The following EPHA6 variants were observed in gnomAD, a reference collection of about 807,000 sequenced individuals.
EPHA6 encodes ephrin type-A receptor 6.
In EPHA6, 50 loss-of-function variants were observed where a neutral mutation model predicts 112.0. The ratio of observed to expected loss-of-function variants is 0.45; its 90% confidence interval spans 0.36 to 0.56. The LOEUF (loss-of-function observed/expected upper bound fraction) is 0.56. Among genes scored for constraint, EPHA6 ranks in the 20% least tolerant of loss-of-function variants. The pLI, the probability that EPHA6 is intolerant of heterozygous loss-of-function variation, is 0.00. For missense variants in EPHA6, 1,280 were observed against 1,417.4 expected (o/e 0.90, Z 1.56); for synonymous variants, 529 against 490.7 (o/e 1.08, Z -1.03).
At chr3:97,510,756 G>A (rs969334992) in intron 10 of EPHA6, among the ~76,000 whole-genome samples, 2 of 152,188 alleles carry the variant, frequency 1.3e-5, no homozygotes, top group Admixed American at 6.5e-5. Flanking sequence ...CAGCAGGCAG[G>A]GATGTTTAAG....
rs2093618302 is a variant in EPHA6, at chr3:97,598,893, G to C, written c.2512+6156G>C. On this transcript the variant is annotated intron_variant, in intron 12 of 17. Coordinates refer to ENST00000389672, the MANE Select transcript of EPHA6 (RefSeq NM_001080448.3). ...TTACAGTCCCACCAACAGTGTAAAA[G>C]TGTTCCTATTTCTCCACATCCTCTC... Among the ~76,000 whole-genome samples, 3 of 149,904 alleles carry C rather than the reference G, an allele frequency of 2.0e-5. No individual in the cohort carries two copies. In the South Asian group the frequency reaches 6.5e-4, roughly 32 times the overall value.
At chr3:97,297,697 T>C (rs1215873421) in intron 5 of EPHA6, among the ~76,000 whole-genome samples, 1 of 152,236 alleles carries the variant, frequency 6.6e-6, no homozygotes, top group Non-Finnish European at 1.5e-5. Flanking sequence ...GGGAATGATA[T>C]GTTGAAGAAT....
chr3:97,523,270 A>G (rs901637148), intron 10 of EPHA6, among the ~76,000 whole-genome samples: 2 of 152,006 alleles, frequency 1.3e-5, no homozygotes, highest in African/African-American at 2.4e-5. Flanking sequence ...TTTCATTTTT[A>G]ATTCCTTCCT....
chr3:97,310,715 G>A (rs1189565396), intron 5 of EPHA6, among the ~76,000 whole-genome samples: 4 of 151,562 alleles, frequency 2.6e-5, no homozygotes, highest in Middle Eastern at 3.2e-3. Context: ...AATTTTTAAT[G>A]GATCCTCTCT....
intron 5 of EPHA6, among the ~76,000 whole-genome samples, chr3:97,250,279 T>G (rs138692156): frequency 6.0e-4 from 92 of 152,354 alleles, no homozygotes; most frequent in African/African-American, 2.1e-3. Flanking sequence ...TAATCAACAC[T>G]AAACCATCCT....
intron 3 of EPHA6, among the ~76,000 whole-genome samples, chr3:97,033,645 A>G (rs1478507551): frequency 3.9e-5 from 6 of 151,992 alleles, no homozygotes; most frequent in Non-Finnish European, 8.8e-5. Context: ...CCTAGTAACA[A>G]TAAAAGATGA....
At chr3:96,975,396 G>A (rs954778071) in intron 2 of EPHA6, among the ~76,000 whole-genome samples, 7 of 152,064 alleles carry the variant, frequency 4.6e-5, no homozygotes, top group South Asian at 2.1e-4. Context: ...CATAGAATAC[G>A]TAAAATAAAG....
rs138893354 is a variant in EPHA6 at position 96,983,295 on chromosome 3, T to A, written c.451-4035T>A. Among the ~76,000 whole-genome samples the A allele has an allele frequency of 1.2e-4, 19 of 152,312 alleles. No homozygotes were observed. In the East Asian group the frequency reaches 3.7e-3, roughly 29 times the overall value. The stretch of plus-strand genomic sequence containing the variant: ...TTTGTTTGTCTGTAAAGTATTTTAT[T>A]TCTCCTTCACTTATGAAGCTTAGTT... On this transcript the variant is annotated intron_variant, in intron 2 of 17. Coordinates refer to ENST00000389672, the MANE Select transcript of EPHA6 (RefSeq NM_001080448.3).
chr3:97,544,128 A>T (rs371015589), intron 11 of EPHA6, among the ~76,000 whole-genome samples: 1 of 152,084 alleles, frequency 6.6e-6, no homozygotes, highest in African/African-American at 2.4e-5. Context: ...CCAACACTAT[A>T]TTGAATAGGA....
intron 12 of EPHA6, among the ~76,000 whole-genome samples, chr3:97,595,037 T>C (rs1471659121): frequency 6.6e-6 from 1 of 152,196 alleles, no homozygotes; most frequent in Non-Finnish European, 1.5e-5. Flanking sequence ...GTCTTATATA[T>C]AATAGTTTGT....
chr3:97,571,136 AC>A, intron 11 of EPHA6, among the ~76,000 whole-genome samples: 1 of 152,152 alleles, frequency 6.6e-6, no homozygotes, highest in Non-Finnish European at 1.5e-5. Context: ...TAAACATATC[AC>A]CTATGTCACG....
rs1303284845 is a variant in EPHA6, at chr3:96,814,694, C to G, written c.71C>G (p.Ala24Gly). 6.7e-7 allele frequency: 1 copy of G among 1,499,642 alleles called. No homozygotes were observed. The highest frequency in any genetic ancestry group is 2.3e-5 in the East Asian group (1 of 43,184). 92.9% of individuals were successfully genotyped at this position (1,499,642 alleles called of 1,614,324 possible). A position where few individuals can be genotyped will look rare whatever the true frequency, so the allele number is the denominator to read the frequency against. Residue 24 changes from alanine (A) to glycine (G), a missense_variant, in exon 1 of 18, where the codon GCT (alanine) becomes GGT (glycine). Around this residue, in one of 4 missense-constraint regions of EPHA6, gnomAD observed 220 missense variants for 171.5 expected, o/e 1.28. Coordinates refer to ENST00000389672, the MANE Select transcript of EPHA6 (RefSeq NM_001080448.3). Reference sequence around the variant, plus strand: ...CAGGCAGCGTCCTCCTCCGAAGCAGCTGCACCTGCAACTGGGCAGCCTGGA... The same window carrying G: ...CAGGCAGCGTCCTCCTCCGAAGCAGGTGCACCTGCAACTGGGCAGCCTGGA... ...APQAASSSEA[A>G]APATGQPGPS...
intron 4 of EPHA6, among the ~76,000 whole-genome samples, chr3:97,234,934 T>C (rs2078638518): frequency 6.6e-6 from 1 of 152,062 alleles, no homozygotes; most frequent in African/African-American, 2.4e-5. Context: ...CCTTATATTA[T>C]AGCATACTCC....
intron 3 of EPHA6, among the ~76,000 whole-genome samples, chr3:97,016,775 T>G (rs1053299479): frequency 6.6e-6 from 1 of 152,228 alleles, no homozygotes; most frequent in Non-Finnish European, 1.5e-5. Context: ...TTTATGTTGG[T>G]TAACGTGTTC....
At chr3:97,522,209 G>A (rs1388369325) in intron 10 of EPHA6, among the ~76,000 whole-genome samples, 3 of 152,188 alleles carry the variant, frequency 2.0e-5, no homozygotes, top group Admixed American at 1.3e-4. Flanking sequence ...ACCATGCCCA[G>A]CTGGGAAGTG....
intron 3 of EPHA6, among the ~76,000 whole-genome samples, chr3:97,011,260 T>A (rs1312044320): frequency 2.6e-5 from 4 of 152,194 alleles, no homozygotes; most frequent in African/African-American, 9.6e-5. Context: ...GTCTGCTTGT[T>A]GTTTTCCACT....
chr3:97,731,898 T>A (rs899993038), intron 15 of EPHA6, among the ~76,000 whole-genome samples: 1 of 151,848 alleles, frequency 6.6e-6, no homozygotes, highest in Admixed American at 6.6e-5. Context: ...ATCTCCTCCC[T>A]CTACTTGGCA....
At chr3:97,284,674 G>A (rs2080404833) in intron 5 of EPHA6, among the ~76,000 whole-genome samples, 1 of 152,128 alleles carries the variant, frequency 6.6e-6, no homozygotes, top group Non-Finnish European at 1.5e-5. Flanking sequence ...ATAACATGAT[G>A]TGAAAAATAG....
chr3:96,818,217 C>G (rs1371569122), intron 1 of EPHA6, among the ~76,000 whole-genome samples: 1 of 151,908 alleles, frequency 6.6e-6, no homozygotes, highest in African/African-American at 2.4e-5. Flanking sequence ...TATAAGTTAA[C>G]CATTTACCGT....
Sources: gnomAD v4.1 joint callset for allele counts (sites outside exome capture counted in the v4.1 genomes callset) on GRCh38, gnomAD v4.1.1 for gene constraint, gnomAD v4.1.1 regional missense constraint, MANE v1.5 for transcripts, NCBI Gene and HGNC (gene_info 2026-07-23, HGNC 2026-07-21) for gene names.